Variants in CWC27 observed in about 807,000 individuals in gnomAD.
CWC27 encodes CWC27 spliceosome associated cyclophilin.
Under a neutral mutation model 63.6 loss-of-function variants are expected in CWC27, and 47 were observed. That is an observed-to-expected ratio of 0.74 (90% CI 0.58 to 0.94). The LOEUF is 0.94. CWC27 is among the 40% of genes least tolerant of loss of function. The pLI is 0.00. For missense variants in CWC27, 495 were observed against 554.3 expected (o/e 0.89, Z 1.07); for synonymous variants, 175 against 179.8 (o/e 0.97, Z 0.22).
chr5:64,831,573 CAG>C (rs1290550920), intron 10 of CWC27, among the ~76,000 whole-genome samples: 3 of 151,608 alleles, frequency 2.0e-5, no homozygotes, highest in Non-Finnish European at 2.9e-5. Context: ...GAAATTAAAA[CAG>C]AAATTTTAAA....
intron 12 of CWC27, among the ~76,000 whole-genome samples, chr5:64,973,006 A>C (rs1749153526): frequency 6.6e-6 from 1 of 152,202 alleles, no homozygotes; most frequent in African/African-American, 2.4e-5. Context: ...TAAGGAAATG[A>C]TTTGTCAGCT....
intron 10 of CWC27, among the ~76,000 whole-genome samples, chr5:64,841,950 G>C (rs998102134): frequency 1.3e-5 from 2 of 152,116 alleles, no homozygotes; most frequent in African/African-American, 4.8e-5. Flanking sequence ...AAAGTGCTGG[G>C]ATTACAGGCA....
chr5:64,961,451 AT>A (rs1469023194), intron 11 of CWC27, among the ~76,000 whole-genome samples: 6 of 152,036 alleles, frequency 3.9e-5, no homozygotes, highest in East Asian at 3.9e-4. Flanking sequence ...TAACTAATAT[AT>A]TTTTTTAATT....
intron 12 of CWC27, among the ~76,000 whole-genome samples, chr5:64,974,105 G>A (rs1191901613): frequency 3.3e-5 from 5 of 151,852 alleles, no homozygotes; most frequent in Admixed American, 1.3e-4. Flanking sequence ...TGGCAAGGTG[G>A]TGTGCATCTG....
intron 13 of CWC27, among the ~76,000 whole-genome samples, chr5:64,997,524 A>G (rs1351058338): frequency 1.3e-5 from 2 of 152,290 alleles, no homozygotes; most frequent in East Asian, 3.9e-4. Context: ...ATTACAATAT[A>G]TACCATTTCT....
chr5:64,977,367 A>G (rs1374639330), intron 13 of CWC27, 129 bp downstream of exon 13: 7 of 565,692 alleles, frequency 1.2e-5, no homozygotes, highest in Non-Finnish European at 2.2e-5. Context: ...GACCTCGGCA[A>G]CTTTTGACTT....
At chr5:64,975,976 G>A (rs994985487) in intron 12 of CWC27, among the ~76,000 whole-genome samples, 1 of 152,100 alleles carries the variant, frequency 6.6e-6, no homozygotes, top group African/African-American at 2.4e-5. Context: ...TCTGGGGCAG[G>A]AGAATCGCTT....
intron 10 of CWC27, among the ~76,000 whole-genome samples, chr5:64,857,693 C>A (rs1224636351): frequency 6.6e-6 from 1 of 152,132 alleles, no homozygotes; most frequent in African/African-American, 2.4e-5. Flanking sequence ...GTTAAAAACT[C>A]ATCGTTGGCC....
chr5:64,794,358 T>A (rs1482660739), intron 7 of CWC27, among the ~76,000 whole-genome samples: 1 of 152,064 alleles, frequency 6.6e-6, no homozygotes, highest in African/African-American at 2.4e-5. Context: ...AACTAGTAAT[T>A]TGAAATGTAA....
chr5:65,003,793 T>C (rs1336996501), intron 13 of CWC27, among the ~76,000 whole-genome samples: 1 of 152,112 alleles, frequency 6.6e-6, no homozygotes, highest in African/African-American at 2.4e-5. Flanking sequence ...TTTTCTTATA[T>C]GTGACTTGAT....
rs143111091 is a variant in CWC27 at position 64,779,154 on chromosome 5, A to G, written c.140-2767A>G. On this transcript the variant is annotated intron_variant, in intron 2 of 13. Transcript: ENST00000381070. ...GTTGTATTCAGTTGCAGGTAATAGA[A>G]GACCCAACTCAAAATGATTTAAATA... Among the ~76,000 whole-genome samples, 249 of 152,304 alleles carry G rather than the reference A, an allele frequency of 1.6e-3. 1 individual carries two copies. Among genetic ancestry groups the G allele is most frequent in the African/African-American group, 5.9e-3 (245 of 41,572 alleles).
At chr5:64,952,528 TG>T (rs1278496740) in intron 11 of CWC27, among the ~76,000 whole-genome samples, 1 of 151,990 alleles carries the variant, frequency 6.6e-6, no homozygotes, top group Non-Finnish European at 1.5e-5. Flanking sequence ...AGAGAAAGCA[TG>T]GGGCCTTTTC....
At chr5:64,823,988 T>C (rs1182183975) in intron 10 of CWC27, among the ~76,000 whole-genome samples, 1 of 152,158 alleles carries the variant, frequency 6.6e-6, no homozygotes, top group Non-Finnish European at 1.5e-5. Flanking sequence ...TATGACAACC[T>C]CATAGAACAA....
intron 11 of CWC27, among the ~76,000 whole-genome samples, chr5:64,917,813 C>T (rs1487399397): frequency 2.6e-5 from 4 of 152,130 alleles, no homozygotes; most frequent in Non-Finnish European, 5.9e-5. Flanking sequence ...TCTCCTGGGT[C>T]TCAGGCCTTT....
intron 13 of CWC27, among the ~76,000 whole-genome samples, chr5:64,999,112 C>A (rs976539039): frequency 1.3e-5 from 2 of 151,856 alleles, no homozygotes; most frequent in African/African-American, 4.8e-5. Flanking sequence ...CACATTTTGT[C>A]TGTCTGTGTC....
chr5:64,774,691 G>A lies in CWC27; in HGVS notation c.43G>A (p.Val15Ile), dbSNP rs376182212. The change falls in exon 2 of 14, where the codon GTT becomes ATT. Residue 15 changes from valine to isoleucine, a missense_variant and splice_region_variant. Val to Ile is a conservative substitution (Grantham distance 29, BLOSUM62 3). Transcript: ENST00000381070. ...YIQEPPTNGKVLLKTTAGDID... is the reference protein window; with the variant it reads ...YIQEPPTNGKILLKTTAGDID... ...ATAAAATGTAATATTCTTTCTACAG[G>A]TTTTATTGAAAACTACAGCTGGAGA... 23 of 1,540,866 alleles carry A rather than the reference G, an allele frequency of 1.5e-5. No homozygotes were observed. The African/African-American group carries it at 2.4e-4, about 16-fold the overall frequency.
chr5:64,906,122 T>G (rs1450423319), intron 11 of CWC27, among the ~76,000 whole-genome samples: 1 of 152,172 alleles, frequency 6.6e-6, no homozygotes, highest in Non-Finnish European at 1.5e-5. Context: ...TTATTATGAG[T>G]AGTGCTGCAA....
chr5:64,939,230 C>G (rs1310933962), intron 11 of CWC27, among the ~76,000 whole-genome samples: 1 of 152,154 alleles, frequency 6.6e-6, no homozygotes, highest in African/African-American at 2.4e-5. Flanking sequence ...CTGGTTTTTC[C>G]TCATCTTCCT....
chr5:65,008,937 G>T (rs1053922936), intron 13 of CWC27, among the ~76,000 whole-genome samples: 3 of 152,036 alleles, frequency 2.0e-5, no homozygotes, highest in Non-Finnish European at 4.4e-5. Flanking sequence ...CTTTGAAAGG[G>T]GTATGTAGTT....
Sources: gnomAD v4.1 joint callset for allele counts (sites outside exome capture counted in the v4.1 genomes callset) on GRCh38, gnomAD v4.1.1 for gene constraint, MANE v1.5 for transcripts, NCBI Gene and HGNC (gene_info 2026-07-23, HGNC 2026-07-21) for gene names.